Variants in LARGE1 observed in about 807,000 individuals in gnomAD.
LARGE1 encodes LARGE xylosyl- and glucuronyltransferase 1, also known as xylosyl- and glucuronyltransferase LARGE1.
In LARGE1, 43 loss-of-function variants were observed where a neutral mutation model predicts 87.6. The ratio of observed to expected loss-of-function variants is 0.49; its 90% confidence interval spans 0.38 to 0.63. The LOEUF (loss-of-function observed/expected upper bound fraction) is 0.63, where lower values mean the gene tolerates loss of function less well. Among genes scored for constraint, LARGE1 ranks in the 30% least tolerant of loss-of-function variants. The pLI is 0.00. For synonymous variants in LARGE1, 434 were observed against 394.6 expected (o/e 1.10, Z -1.18); for missense variants, 802 against 1,000.2 (o/e 0.80, Z 2.67).
At chr22:33,525,340 TAAG>T (rs1208238435) in intron 6 of LARGE1, among the ~76,000 whole-genome samples, 2 of 152,196 alleles carry the variant, frequency 1.3e-5, no homozygotes, top group Non-Finnish European at 2.9e-5. Context: ...ATTTGCAGCA[TAAG>T]AAGTATGATC....
intron 10 of LARGE1, among the ~76,000 whole-genome samples, chr22:33,329,685 T>G (rs963901703): frequency 2.1e-4 from 32 of 152,208 alleles, no homozygotes; most frequent in African/African-American, 7.5e-4. Context: ...CTTAGTTTAA[T>G]ACTAAACTGA....
rs371887551 is a variant in LARGE1, at chr22:33,384,175, C to T, written c.1005+17G>A. The T allele has an allele frequency of 1.1e-5, 18 of 1,576,554 alleles. No homozygotes were observed. Among genetic ancestry groups the T allele is most frequent in the African/African-American group, 6.7e-5 (5 of 74,140 alleles). On this transcript the variant is annotated intron_variant, in intron 8 of 14. Coordinates refer to ENST00000397394, the MANE Select transcript of LARGE1 (RefSeq NM_133642.5). Reference sequence around the variant, plus strand: ...GCACACTCAGGAATAGCTGCACCTTCGAACCTGGCCACTCACCTGGTCAGC... The same window carrying T: ...GCACACTCAGGAATAGCTGCACCTTTGAACCTGGCCACTCACCTGGTCAGC...
chr22:33,276,309 G>T (rs1929282587), intron 14 of LARGE1, among the ~76,000 whole-genome samples: 1 of 152,010 alleles, frequency 6.6e-6, no homozygotes, highest in South Asian at 2.1e-4. Context: ...CACAGGGGCT[G>T]AAAAATTGAA....
intron 5 of LARGE1, among the ~76,000 whole-genome samples, chr22:33,573,425 C>T (rs759851991): frequency 3.3e-5 from 5 of 152,136 alleles, no homozygotes; most frequent in Admixed American, 1.3e-4. Context: ...GGCAACAAAG[C>T]GAGACTCTGC....
At chr22:33,128,684 A>AC in the LARGE1 span, among the ~76,000 whole-genome samples, 24,515 of 78,322 alleles carry the variant, frequency 0.31, 2,170 homozygotes, top group African/African-American at 0.45. Flanking sequence ...CAAAAACAAA[A>AC]AAAAAAAAAA....
At chr22:33,690,568 G>C (rs567769807) in intron 2 of LARGE1, among the ~76,000 whole-genome samples, 6 of 152,052 alleles carry the variant, frequency 3.9e-5, no homozygotes, top group African/African-American at 1.2e-4. Context: ...GGGAAAAAGA[G>C]GGAGGGAAGT....
chr22:33,649,345 G>C (rs1004287990), intron 3 of LARGE1, among the ~76,000 whole-genome samples: 1 of 152,124 alleles, frequency 6.6e-6, no homozygotes, highest in African/African-American at 2.4e-5. Flanking sequence ...ACTACAGTTT[G>C]CAAAGCATTC....
chr22:33,650,428 G>T lies in LARGE1; in HGVS notation c.347C>A (p.Ala116Asp). ...GGAGCTGTTGCCTGCCACGATGCCA[G>T]CCCGAAGGTTCTCGCTGTCTCCAGT... ...EGTGDSENLR[A>D]GIVAGNSSEC... Residue 116 changes from alanine (A) to aspartate (D), a missense_variant, in exon 3 of 15, where the codon GCT becomes GAT. Around this residue, in one of 2 missense-constraint regions of LARGE1, gnomAD observed 177 missense variants for 158.3 expected, o/e 1.12. Coordinates refer to ENST00000397394, the MANE Select transcript of LARGE1 (RefSeq NM_133642.5). The T allele has an allele frequency of 1.9e-6, 3 of 1,614,146 alleles. No homozygotes were observed. The highest frequency in any genetic ancestry group is 2.5e-6 in the Non-Finnish European group (3 of 1,180,042).
At chr22:33,152,527 A>ATTT in the LARGE1 span, among the ~76,000 whole-genome samples, 1 of 152,138 alleles carries the variant, frequency 6.6e-6, no homozygotes, top group Non-Finnish European at 1.5e-5. Context: ...CTTCTCACCT[A>ATTT]TTTTTACTGA....
intron 1 of LARGE1, among the ~76,000 whole-genome samples, chr22:33,877,164 CT>C (rs1569006336): frequency 6.6e-6 from 1 of 152,064 alleles, no homozygotes; most frequent in Non-Finnish European, 1.5e-5. Flanking sequence ...AAGAAAGTCC[CT>C]TTTTAAAAAA....
the LARGE1 span, among the ~76,000 whole-genome samples, chr22:33,124,395 A>AGGAAAGAAGGAAGGAAGGAAGG: frequency 6.8e-6 from 1 of 148,036 alleles, no homozygotes; most frequent in East Asian, 2.0e-4. Context: ...GGAGGAAGGA[A>AGGAAAGAAGGAAGGAAGGAAGG]AATGATGGCT....
At chr22:33,168,010 C>T (rs1922365121) in intron 11 of LARGE1, among the ~76,000 whole-genome samples, 1 of 152,200 alleles carries the variant, frequency 6.6e-6, no homozygotes, top group Admixed American at 6.5e-5. Flanking sequence ...GGGTCAGCCT[C>T]CTACCAGCCA....
At chr22:33,305,832 C>A (rs5998866) in intron 11 of LARGE1, among the ~76,000 whole-genome samples, 3,558 of 119,102 alleles carry the variant, frequency 0.03, 72 homozygotes, top group Middle Eastern at 0.1. Flanking sequence ...AGAAACATTT[C>A]TTTTTCTTTT....
intron 6 of LARGE1, among the ~76,000 whole-genome samples, chr22:33,537,413 C>T (rs1276778229): frequency 1.3e-5 from 2 of 152,126 alleles, no homozygotes; most frequent in African/African-American, 4.8e-5. Flanking sequence ...CATTATATCG[C>T]TTCTTCTCTC....
chr22:33,681,113 T>C (rs1267238872), intron 2 of LARGE1, among the ~76,000 whole-genome samples: 3 of 152,346 alleles, frequency 2.0e-5, no homozygotes, highest in Non-Finnish European at 4.4e-5. Context: ...CTTTATTATT[T>C]ATATTGCTAG....
the LARGE1 span, among the ~76,000 whole-genome samples, chr22:33,086,342 A>C: frequency 3.0e-4 from 45 of 152,260 alleles, no homozygotes; most frequent in South Asian, 2.1e-3. Context: ...TCATGGGTTG[A>C]TAACAGATTT....
intron 1 of LARGE1, among the ~76,000 whole-genome samples, chr22:33,762,817 C>G (rs1419839435): frequency 6.6e-6 from 1 of 152,166 alleles, no homozygotes; most frequent in Non-Finnish European, 1.5e-5. Flanking sequence ...GACCCTAAGA[C>G]CTCATCTCTA....
chr22:33,268,428 AC>A (rs1418659111), downstream of LARGE1, among the ~76,000 whole-genome samples: 13 of 143,526 alleles, frequency 9.1e-5, no homozygotes, highest in South Asian at 2.0e-3. Context: ...CTGTTAAAAA[AC>A]TTTTTTTTTT....
intron 9 of LARGE1, among the ~76,000 whole-genome samples, chr22:33,360,578 G>A (rs1165072806): frequency 6.7e-6 from 1 of 149,098 alleles, no homozygotes; most frequent in African/African-American, 2.5e-5. Context: ...AACACGATGC[G>A]GATGGTGCTA....
Sources: allele counts gnomAD v4.1 joint callset (sites outside exome capture counted in the v4.1 genomes callset), GRCh38; gene constraint gnomAD v4.1.1; regional missense constraint gnomAD v4.1.1; transcripts MANE v1.5; gene names NCBI Gene and HGNC (gene_info 2026-07-23, HGNC 2026-07-21).